The following ZNG1B variants were observed in gnomAD, a reference collection of about 807,000 sequenced individuals.
ZNG1B encodes zinc-regulated GTPase metalloprotein activator 1B.
At chr2:113,466,884 G>T in the ZNG1B span, 1 of 893,732 alleles carries the variant, frequency 1.1e-6, no homozygotes, top group Admixed American at 6.2e-5. Flanking sequence ...CTAACACTGT[G>T]AAACCCCGTC....
the ZNG1B span, among the ~76,000 whole-genome samples, chr2:113,454,041 G>A: frequency 1.1e-4 from 16 of 151,846 alleles, no homozygotes; most frequent in African/African-American, 1.7e-4. Flanking sequence ...AAAACCAGTC[G>A]AAATTTTCTT....
At chr2:113,482,005 A>G in the ZNG1B span, 6 of 942,398 alleles carry the variant, frequency 6.4e-6, no homozygotes, top group East Asian at 1.6e-4. Context: ...AAAAAACTTA[A>G]TCTGCCAGCT....
At chr2:113,470,088 T>A in the ZNG1B span, 1 of 151,640 alleles carries the variant, frequency 6.6e-6, no homozygotes, top group Admixed American at 6.6e-5. Context: ...ATTTCCTGGG[T>A]TCAAATGATT....
the ZNG1B span, chr2:113,466,068 T>C: frequency 2.1e-6 from 2 of 949,244 alleles, no homozygotes; most frequent in African/African-American, 1.9e-5. Context: ...AGCAGAAGAA[T>C]GCCCTTAGTG....
At chr2:113,437,877 G>C in the ZNG1B span, 2 of 1,611,950 alleles carry the variant, frequency 1.2e-6, no homozygotes, top group Non-Finnish European at 1.7e-6. Flanking sequence ...GAATGTTACC[G>C]GCTGTTGGAT....
At chr2:113,466,135 G>A in the ZNG1B span, 1 of 972,420 alleles carries the variant, frequency 1.0e-6, no homozygotes, top group African/African-American at 1.9e-5. Flanking sequence ...TTCCATTGTA[G>A]AAAGTCTCTG....
At chr2:113,445,581 G>A in the ZNG1B span, 24,966 of 139,908 alleles carry the variant, frequency 0.18, 2,588 homozygotes, top group East Asian at 0.49. Flanking sequence ...GCATTGATAA[G>A]GGAATCATGA....
At chr2:113,445,000 A>G in the ZNG1B span, 3 of 1,610,762 alleles carry the variant, frequency 1.9e-6, no homozygotes, top group Non-Finnish European at 2.5e-6. Context: ...ATTTGATGCA[A>G]AAGAAGGGGA....
chr2:113,479,051 A>G, the ZNG1B span, among the ~76,000 whole-genome samples: 2 of 152,036 alleles, frequency 1.3e-5, no homozygotes, highest in African/African-American at 4.8e-5. Context: ...TTTTCGGAGT[A>G]CCTGGAAAAA....
chr2:113,481,615 A>G, the ZNG1B span: 1 of 153,324 alleles, frequency 6.5e-6, no homozygotes, highest in Non-Finnish European at 1.5e-5. Flanking sequence ...TGCTTTTCAT[A>G]TCAGAACAAT....
the ZNG1B span, chr2:113,447,807 T>A: frequency 2.3e-6 from 1 of 431,642 alleles, no homozygotes; most frequent in African/African-American, 2.0e-5. Flanking sequence ...TTAGTTAAAG[T>A]TTTCTTATGA....
At chr2:113,475,504 C>T in the ZNG1B span, among the ~76,000 whole-genome samples, 13 of 148,616 alleles carry the variant, frequency 8.7e-5, no homozygotes, top group South Asian at 1.1e-3. Flanking sequence ...AAGTTAATAT[C>T]GTTACGTGTG....
the ZNG1B span, among the ~76,000 whole-genome samples, chr2:113,477,329 TGACCC>T: frequency 1.3e-5 from 2 of 152,182 alleles, no homozygotes; most frequent in East Asian, 3.9e-4. Context: ...GGGAACTCCC[TGACCC>T]CCTGCGCTTC....
the ZNG1B span, chr2:113,453,017 T>G: frequency 6.9e-7 from 1 of 1,456,954 alleles, no homozygotes; most frequent in Non-Finnish European, 9.3e-7. Context: ...ATCACTATAA[T>G]TTCCATAAGA....
the ZNG1B span, chr2:113,453,203 G>T: frequency 6.3e-7 from 1 of 1,589,322 alleles, no homozygotes; most frequent in African/African-American, 1.4e-5. Context: ...TTGATGGTAA[G>T]TTAAAAAACA....
chr2:113,442,480 C>T, the ZNG1B span, among the ~76,000 whole-genome samples: 70 of 152,190 alleles, frequency 4.6e-4, no homozygotes, highest in African/African-American at 1.6e-3. Context: ...CAGTTATATT[C>T]GATTTCTGGT....
chr2:113,462,059 A>G, the ZNG1B span, among the ~76,000 whole-genome samples: 2 of 152,290 alleles, frequency 1.3e-5, no homozygotes, highest in East Asian at 3.9e-4. Flanking sequence ...TTTCTTCACA[A>G]AGAAAATTAT....
the ZNG1B span, among the ~76,000 whole-genome samples, chr2:113,443,178 G>A: frequency 2.0e-5 from 3 of 151,930 alleles, no homozygotes; most frequent in Admixed American, 1.3e-4. Context: ...TTGTGTTAGC[G>A]AGGATGGTCT....
the ZNG1B span, chr2:113,460,554 C>T: frequency 7.2e-7 from 1 of 1,392,200 alleles, no homozygotes; most frequent in Non-Finnish European, 9.8e-7. Context: ...TATTCAGTAA[C>T]AGAACATGTT....
Sources: gnomAD v4.1 joint callset for allele counts (sites outside exome capture counted in the v4.1 genomes callset) on GRCh38, gnomAD v4.1.1 for gene constraint, MANE v1.5 for transcripts, NCBI Gene and HGNC (gene_info 2026-07-23, HGNC 2026-07-21) for gene names.